Variants in ZFYVE1 observed in about 807,000 individuals in gnomAD.
ZFYVE1 encodes the protein zinc finger FYVE domain-containing protein 1.
In ZFYVE1, 30 loss-of-function variants were observed where a neutral mutation model predicts 74.4. That is an observed-to-expected ratio of 0.40 (90% CI 0.30 to 0.55). The LOEUF is 0.55. ZFYVE1 is among the 20% of genes least tolerant of loss of function. ZFYVE1 has a pLI of 0.42. For synonymous variants in ZFYVE1, 335 were observed against 385.1 expected, an observed-to-expected ratio of 0.87 and a Z score of 1.52; for missense variants, 703 against 1,011.6, an observed-to-expected ratio of 0.69 and a Z score of 4.14.
intron 2 of ZFYVE1, among the ~76,000 whole-genome samples, chr14:73,001,346 G>A (rs1162670370): frequency 6.6e-6 from 1 of 152,064 alleles, no homozygotes; most frequent in Non-Finnish European, 1.5e-5. Flanking sequence ...TATTACGATA[G>A]CAGATTTTCC....
In ZFYVE1 at chr14:72,969,617, C is replaced by G; in HGVS notation, c.*1265G>C. ...ACCAGGAATGACCGCCATATACTTC[C>G]CTAAAGCTCAACCCACCCACCAGTT... On this transcript the variant is annotated 3_prime_UTR_variant, in exon 12 of 12. Coordinates refer to ENST00000556143, the MANE Select transcript of ZFYVE1 (RefSeq NM_021260.4). The G allele has an allele frequency of 2.9e-6, 2 of 684,454 alleles. No individual in the cohort carries two copies. The highest frequency in any genetic ancestry group is 1.6e-5 in the South Asian group (1 of 63,668). 42.4% of individuals were successfully genotyped at this position (684,454 alleles called of 1,614,324 possible). A position where few individuals can be genotyped will look rare whatever the true frequency, so the allele number is the denominator to read the frequency against.
At chr14:73,017,550 C>A (rs534465492) in intron 2 of ZFYVE1, among the ~76,000 whole-genome samples, 169 of 152,322 alleles carry the variant, frequency 1.1e-3, no homozygotes, top group Non-Finnish European at 2.2e-3. Flanking sequence ...CAATTTCACA[C>A]AATAAAACCT....
At position 73,024,637 on chromosome 14, in the gene ZFYVE1, C is replaced by A. The variant is rs1292803060; in HGVS notation, c.-129G>T. 22 of 1,314,912 alleles carry A rather than the reference C, an allele frequency of 1.7e-5. No individual in the cohort carries two copies. Among genetic ancestry groups the A allele is most frequent in the Non-Finnish European group, 2.2e-5 (22 of 986,302 alleles). 81.5% of individuals were successfully genotyped at this position (1,314,912 alleles called of 1,614,324 possible). The stretch of plus-strand genomic sequence containing the variant: ...GGGTTCTGAACACTTTAAAAAAGAA[C>A]ACCTTTCATGTCCTGTTATAGTTCT... On this transcript the variant is annotated 5_prime_UTR_variant, in exon 2 of 12. Transcript: ENST00000556143.
intron 4 of ZFYVE1, 64 bp from the exon 5 acceptor site, chr14:72,981,959 A>G: frequency 7.2e-7 from 1 of 1,396,908 alleles, no homozygotes; most frequent in Non-Finnish European, 1.0e-6. Context: ...TTGGCCCCCC[A>G]CTGCAGGCAC....
Position 72,981,781 on chromosome 14 carries a change from T to C in ZFYVE1, c.1310+8A>G. The C allele has an allele frequency of 1.9e-6, 3 of 1,613,682 alleles. No homozygotes were observed. The highest frequency in any genetic ancestry group is 2.5e-6 in the Non-Finnish European group (3 of 1,179,756). On this transcript the variant is annotated splice_region_variant and intron_variant, in intron 5 of 11. Coordinates refer to ENST00000556143, the MANE Select transcript of ZFYVE1 (RefSeq NM_021260.4). ...TGGGGTGGGAGGTGGGGGAGCGGCC[T>C]TACTTACCCACAGCTGAGGCACAAG...
intron 11 of ZFYVE1, 147 bp downstream of exon 11, chr14:72,973,933 G>A: frequency 3.1e-6 from 2 of 652,562 alleles, no homozygotes; most frequent in Non-Finnish European, 5.4e-6. Flanking sequence ...TTCAGCAGAA[G>A]CAAGCAAATG....
intron 4 of ZFYVE1, among the ~76,000 whole-genome samples, chr14:72,988,333 G>A (rs960548614): frequency 1.3e-5 from 2 of 151,676 alleles, no homozygotes; most frequent in African/African-American, 4.8e-5. Flanking sequence ...CACCATCACG[G>A]CTGGCTAATT....
rs762699227 is a variant in ZFYVE1 at position 72,993,260 on chromosome 14, C to T, written c.1086G>A (p.Thr362=). The change falls in exon 4 of 12, where the codon ACG becomes ACA. Residue 362 remains threonine (T), a synonymous_variant. Coordinates refer to ENST00000556143, the MANE Select transcript of ZFYVE1 (RefSeq NM_021260.4). ...AGTCCGTGGGAGGGTTGTAAGTCCTCGTTCCCTTGTAGTGAATGGAACTAA... is the reference window on the plus strand; with the variant it reads ...AGTCCGTGGGAGGGTTGTAAGTCCTTGTTCCCTTGTAGTGAATGGAACTAA... The part of the protein sequence containing the change: ...EAFSSIHYKG[T]RTYNPPTDFS... The T allele has an allele frequency of 3.1e-6, 5 of 1,613,842 alleles. No homozygotes were observed. In the Admixed American group the frequency reaches 5.0e-5, roughly 16 times the overall value.
chr14:73,004,490 G>A (rs1893937234), intron 2 of ZFYVE1, among the ~76,000 whole-genome samples: 1 of 151,972 alleles, frequency 6.6e-6, no homozygotes, highest in Non-Finnish European at 1.5e-5. Context: ...CATATGGGAT[G>A]GAAAGAAAAC....
intron 11 of ZFYVE1, 72 bp downstream of exon 11, chr14:72,974,008 G>A: frequency 7.2e-7 from 1 of 1,380,400 alleles, no homozygotes. Context: ...CCTTTACAAA[G>A]TGACAGCCCA....
intron 1 of ZFYVE1, among the ~76,000 whole-genome samples, chr14:73,025,588 AG>A (rs1213128223): frequency 3.4e-5 from 5 of 147,994 alleles, no homozygotes; most frequent in Non-Finnish European, 7.4e-5. Flanking sequence ...CCAAGCTACT[AG>A]GGAGGCTGAG....
At chr14:72,971,250 G>T in intron 11 of ZFYVE1, 136 bp from the exon 12 acceptor site, 1 of 877,726 alleles carries the variant, frequency 1.1e-6, no homozygotes, top group Non-Finnish European at 1.7e-6. Flanking sequence ...TTTTAAAAAT[G>T]CAGAAGCCCA....
rs541572200 is a variant in ZFYVE1, at chr14:73,020,402, G to A, written c.483+3624C>T. Among the ~76,000 whole-genome samples the A allele has an allele frequency of 6.4e-4, 98 of 152,234 alleles. No homozygotes were observed. In the Middle Eastern group the frequency reaches 0.017, roughly 27 times the overall value. ...GAGTCTCGCACTGTCACCCAGGCTGGAGTGCAATGGTGTGATCTCAGCTCA... is the reference window on the plus strand; with the variant it reads ...GAGTCTCGCACTGTCACCCAGGCTGAAGTGCAATGGTGTGATCTCAGCTCA... On this transcript the variant is annotated intron_variant, in intron 2 of 11. Transcript: ENST00000556143.
intron 2 of ZFYVE1, among the ~76,000 whole-genome samples, chr14:73,000,863 T>A (rs1424653922): frequency 6.6e-6 from 1 of 152,182 alleles, no homozygotes; most frequent in Non-Finnish European, 1.5e-5. Flanking sequence ...ATGTGGTATA[T>A]CCACACACTG....
In ZFYVE1 at chr14:72,984,659, C is replaced by T. The variant is rs145146427; in HGVS notation, c.1204-2764G>A. ...GGCCTATACATTTCAGCCTATACAG[C>T]GTTCTCTCTCCTGCTTCTACCTGAG... On this transcript the variant is annotated intron_variant, in intron 4 of 11. Coordinates refer to ENST00000556143, the MANE Select transcript of ZFYVE1 (RefSeq NM_021260.4). Among the ~76,000 whole-genome samples, 921 of 152,284 alleles carry T rather than the reference C, an allele frequency of 6.0e-3. 13 individuals are homozygous for T. Among genetic ancestry groups the T allele is most frequent in the African/African-American group, 0.021 (872 of 41,544 alleles).
chr14:73,023,711 C>T (rs1894394216), intron 2 of ZFYVE1, among the ~76,000 whole-genome samples: 2 of 151,958 alleles, frequency 1.3e-5, no homozygotes, highest in Non-Finnish European at 2.9e-5. Context: ...ATACTAACAA[C>T]AGCTACCGTA....
At chr14:72,988,672 T>C (rs1893539191) in intron 4 of ZFYVE1, among the ~76,000 whole-genome samples, 1 of 151,232 alleles carries the variant, frequency 6.6e-6, no homozygotes, top group Non-Finnish European at 1.5e-5. Flanking sequence ...CTAGGCATGG[T>C]GGTGTGTGCC....
At chr14:72,988,137 A>G (rs1423507665) in intron 4 of ZFYVE1, among the ~76,000 whole-genome samples, 1 of 151,868 alleles carries the variant, frequency 6.6e-6, no homozygotes, top group Non-Finnish European at 1.5e-5. Flanking sequence ...TACTGCATCA[A>G]TCAGGTGGAA....
At chr14:73,000,829 G>A (rs1297135529) in intron 2 of ZFYVE1, among the ~76,000 whole-genome samples, 1 of 152,138 alleles carries the variant, frequency 6.6e-6, no homozygotes, top group African/African-American at 2.4e-5. Flanking sequence ...AGTGAAAACA[G>A]CCCAATACCC....
Sources: gnomAD v4.1 joint callset for allele counts (sites outside exome capture counted in the v4.1 genomes callset) on GRCh38, gnomAD v4.1.1 for gene constraint, MANE v1.5 for transcripts, NCBI Gene and HGNC (gene_info 2026-07-23, HGNC 2026-07-21) for gene names.